DPP6: variants seen among roughly 807,000 people sequenced by gnomAD.
DPP6 encodes A-type potassium channel modulatory protein DPP6.
In DPP6, 69 loss-of-function variants were observed where a neutral mutation model predicts 122.6. That is an observed-to-expected ratio of 0.56 (90% CI 0.46 to 0.69). The LOEUF is 0.69. Ranked by LOEUF, DPP6 falls within the 30% of genes least tolerant of loss-of-function variation. DPP6 has a pLI of 0.00. For missense variants in DPP6, 928 were observed against 1,116.9 expected (o/e 0.83, Z 2.41); for synonymous variants, 418 against 433.1 (o/e 0.97, Z 0.43).
At chr7:154,683,048 A>C (rs74397160) in intron 7 of DPP6, among the ~76,000 whole-genome samples, 14,456 of 152,252 alleles carry the variant, frequency 0.095, 799 homozygotes, top group African/African-American at 0.15. Context: ...AAAGTTAGCA[A>C]ATTAGTGAAT....
chr7:154,024,777 G>A (rs140782520), intron 1 of DPP6, among the ~76,000 whole-genome samples: 2 of 152,224 alleles, frequency 1.3e-5, no homozygotes, highest in African/African-American at 4.8e-5. Flanking sequence ...CCGTGAGTGT[G>A]AGATCTGCAT....
In DPP6 at chr7:154,704,716, C is replaced by T. The variant is rs1260403928; in HGVS notation, c.763-23051C>T. Among the ~76,000 whole-genome samples the T allele has an allele frequency of 4.6e-5, 7 of 152,294 alleles. No homozygotes were observed. In the South Asian group the frequency reaches 8.3e-4, roughly 18 times the overall value. On this transcript the variant is annotated intron_variant, in intron 7 of 25. Transcript: ENST00000377770. ...GCAACAAAACATTTTTAATAACTCA[C>T]ATACATTTTTAGACATAATACTTTT... is the stretch of plus-strand genomic sequence containing the variant.
chr7:153,773,131 A>G, the DPP6 span, among the ~76,000 whole-genome samples: 5 of 148,698 alleles, frequency 3.4e-5, no homozygotes, highest in African/African-American at 4.9e-5. Context: ...GGGAGGTGTA[A>G]CAATACTATG....
the DPP6 span, among the ~76,000 whole-genome samples, chr7:153,781,698 C>A: frequency 2.0e-5 from 3 of 151,906 alleles, no homozygotes; most frequent in African/African-American, 7.3e-5. Flanking sequence ...TGATGAGAAA[C>A]AATTTGAGGG....
the DPP6 span, among the ~76,000 whole-genome samples, chr7:153,829,722 C>G: frequency 6.6e-6 from 1 of 152,344 alleles, no homozygotes; most frequent in African/African-American, 2.4e-5. Context: ...GGGTGGACCT[C>G]TGATGGCCAC....
chr7:154,672,231 C>T (rs751572293), intron 7 of DPP6, among the ~76,000 whole-genome samples: 4 of 152,146 alleles, frequency 2.6e-5, no homozygotes, highest in Non-Finnish European at 4.4e-5. Context: ...CTCCTGAGGC[C>T]TCCCCAGCAA....
At chr7:154,710,137 G>C (rs1344758266) in intron 7 of DPP6, among the ~76,000 whole-genome samples, 1 of 152,196 alleles carries the variant, frequency 6.6e-6, no homozygotes, top group Non-Finnish European at 1.5e-5. Context: ...TGACAGCTTG[G>C]TGCAGGGAGC....
At chr7:154,196,814 C>A (rs1330351356) in intron 1 of DPP6, among the ~76,000 whole-genome samples, 1 of 152,156 alleles carries the variant, frequency 6.6e-6, no homozygotes, top group Non-Finnish European at 1.5e-5. Context: ...TATACATCCT[C>A]TAACAGAAGC....
chr7:154,228,960 G>C (rs1448487035), intron 1 of DPP6, among the ~76,000 whole-genome samples: 1 of 152,182 alleles, frequency 6.6e-6, no homozygotes, highest in Non-Finnish European at 1.5e-5. Flanking sequence ...GTATGGTAAG[G>C]TGAATGCCTA....
chr7:154,527,257 G>A (rs1247708356), intron 3 of DPP6, among the ~76,000 whole-genome samples: 1 of 152,158 alleles, frequency 6.6e-6, no homozygotes, highest in Non-Finnish European at 1.5e-5. Flanking sequence ...GCCAGTGGGA[G>A]CCTCTCCAAG....
At chr7:154,206,920 A>G (rs1390929740) in intron 1 of DPP6, among the ~76,000 whole-genome samples, 3 of 152,208 alleles carry the variant, frequency 2.0e-5, no homozygotes, top group African/African-American at 7.2e-5. Flanking sequence ...TCTTTCAGAC[A>G]TGAGGTGTAG....
At chr7:154,111,913 G>A (rs1160103060) in intron 1 of DPP6, among the ~76,000 whole-genome samples, 1 of 152,122 alleles carries the variant, frequency 6.6e-6, no homozygotes, top group Non-Finnish European at 1.5e-5. Flanking sequence ...TTCCTTCACA[G>A]ATAAATGGTG....
intron 1 of DPP6, among the ~76,000 whole-genome samples, chr7:154,180,208 C>T (rs1798001396): frequency 6.6e-6 from 1 of 151,556 alleles, no homozygotes; most frequent in Non-Finnish European, 1.5e-5. Context: ...ATTAGCCAGG[C>T]ATGGTAGTGC....
intron 1 of DPP6, among the ~76,000 whole-genome samples, chr7:154,117,690 A>C (rs983510597): frequency 2.6e-5 from 4 of 152,164 alleles, no homozygotes; most frequent in Non-Finnish European, 4.4e-5. Context: ...TTCATCGTAG[A>C]GACTGCTGCT....
At chr7:153,816,432 T>C in the DPP6 span, among the ~76,000 whole-genome samples, 11 of 152,192 alleles carry the variant, frequency 7.2e-5, no homozygotes, top group Admixed American at 3.3e-4. Flanking sequence ...TGCTCTCCTA[T>C]TTGTAACAGT....
chr7:153,988,008 G>A, intron 1 of DPP6, among the ~76,000 whole-genome samples: 1 of 152,140 alleles, frequency 6.6e-6, no homozygotes, highest in Non-Finnish European at 1.5e-5. Context: ...GGGGCACCAG[G>A]ACCTGAACCC....
intron 1 of DPP6, among the ~76,000 whole-genome samples, chr7:154,192,642 A>G (rs2150768405): frequency 6.6e-6 from 1 of 152,396 alleles, no homozygotes; most frequent in Non-Finnish European, 1.5e-5. Context: ...GAAGGCCACA[A>G]GAAGGAGATA....
intron 1 of DPP6, among the ~76,000 whole-genome samples, chr7:153,943,339 T>C (rs1439584893): frequency 2.6e-5 from 4 of 152,308 alleles, no homozygotes; most frequent in South Asian, 2.1e-4. Flanking sequence ...AAATGTATTA[T>C]ATGTCCGAGA....
At chr7:154,195,875 C>T (rs1432516528) in intron 1 of DPP6, among the ~76,000 whole-genome samples, 1 of 152,196 alleles carries the variant, frequency 6.6e-6, no homozygotes, top group Admixed American at 6.5e-5. Context: ...ACCCTGTGCT[C>T]AGCCCTGCTT....
Sources: allele counts gnomAD v4.1 joint callset (sites outside exome capture counted in the v4.1 genomes callset), GRCh38; gene constraint gnomAD v4.1.1; transcripts MANE v1.5; gene names NCBI Gene and HGNC (gene_info 2026-07-23, HGNC 2026-07-21).